Variants in PDE4D observed in about 807,000 individuals in gnomAD.
The protein encoded by PDE4D is 3',5'-cyclic-AMP phosphodiesterase 4D.
In PDE4D, 24 loss-of-function variants were observed where a neutral mutation model predicts 87.4. That is an observed-to-expected ratio of 0.27 (90% CI 0.20 to 0.39). The LOEUF (loss-of-function observed/expected upper bound fraction) is 0.39. Ranked by LOEUF, PDE4D falls within the 10% of genes least tolerant of loss-of-function variation. PDE4D has a pLI of 1.00. For missense variants in PDE4D, 714 were observed against 1,041.0 expected (o/e 0.69, Z 4.32); for synonymous variants, 384 against 383.2 (o/e 1.00, Z -0.02).
At chr5:60,458,657 G>A (rs1746676927) in intron 1 of PDE4D, among the ~76,000 whole-genome samples, 1 of 152,026 alleles carries the variant, frequency 6.6e-6, no homozygotes, top group African/African-American at 2.4e-5. Flanking sequence ...AGTCACTAGG[G>A]ATAAATTAAA....
intron 1 of PDE4D, among the ~76,000 whole-genome samples, chr5:59,802,268 G>A (rs1414999237): frequency 6.6e-6 from 1 of 151,242 alleles, no homozygotes; most frequent in African/African-American, 2.4e-5. Flanking sequence ...TCTAGGTGAT[G>A]CCAACACGCA....
intron 1 of PDE4D, among the ~76,000 whole-genome samples, chr5:59,544,449 C>T (rs879434129): frequency 1.6e-4 from 24 of 152,130 alleles, no homozygotes; most frequent in African/African-American, 2.7e-4. Flanking sequence ...GGACAACGTG[C>T]CCAGAATTTA....
intron 1 of PDE4D, among the ~76,000 whole-genome samples, chr5:60,249,731 T>A (rs1344446929): frequency 2.0e-5 from 3 of 151,984 alleles, no homozygotes; most frequent in Non-Finnish European, 4.4e-5. Flanking sequence ...TGAAAAAAAA[T>A]TCATTTGCAA....
chr5:59,610,686 T>G (rs1398019880), intron 1 of PDE4D, among the ~76,000 whole-genome samples: 1 of 152,136 alleles, frequency 6.6e-6, no homozygotes, highest in Non-Finnish European at 1.5e-5. Context: ...TGCACATTAG[T>G]CCTTTGGATG....
intron 1 of PDE4D, among the ~76,000 whole-genome samples, chr5:59,387,196 A>G (rs529095386): frequency 1.2e-4 from 19 of 152,322 alleles, no homozygotes; most frequent in African/African-American, 4.6e-4. Flanking sequence ...ACTATTTAAT[A>G]AAGTTTGGAA....
intron 2 of PDE4D, among the ~76,000 whole-genome samples, chr5:60,029,651 G>C (rs1469676087): frequency 6.6e-6 from 1 of 152,134 alleles, no homozygotes; most frequent in Non-Finnish European, 1.5e-5. Context: ...AATTAACTAA[G>C]ACTTGTCTCA....
At chr5:59,859,292 T>C (rs1581457946) in intron 1 of PDE4D, among the ~76,000 whole-genome samples, 1 of 152,146 alleles carries the variant, frequency 6.6e-6, no homozygotes, top group African/African-American at 2.4e-5. Flanking sequence ...CTTTTCTGCT[T>C]CCTAAAGGAC....
At chr5:59,591,688 G>T (rs2153703452) in intron 1 of PDE4D, among the ~76,000 whole-genome samples, 2 of 152,208 alleles carry the variant, frequency 1.3e-5, no homozygotes, top group Admixed American at 1.3e-4. Context: ...TCTTTCAAGA[G>T]GCTGGATTAC....
intron 2 of PDE4D, among the ~76,000 whole-genome samples, chr5:60,140,094 G>C (rs1241230028): frequency 6.6e-6 from 1 of 151,556 alleles, no homozygotes; most frequent in African/African-American, 2.4e-5. Context: ...TTATTGTTTT[G>C]GTCCTGTAAT....
intron 1 of PDE4D, among the ~76,000 whole-genome samples, chr5:59,355,342 G>C (rs1781205136): frequency 1.3e-5 from 2 of 152,126 alleles, no homozygotes; most frequent in South Asian, 4.1e-4. Context: ...AAATTCATTA[G>C]TCAATCAAGC....
intron 2 of PDE4D, among the ~76,000 whole-genome samples, chr5:59,996,798 A>C (rs1252008422): frequency 1.3e-5 from 2 of 152,212 alleles, no homozygotes; most frequent in African/African-American, 4.8e-5. Flanking sequence ...TATATAGAAA[A>C]GATACTCTTG....
At chr5:60,497,303 G>T (rs1327255047) in intron 1 of PDE4D, among the ~76,000 whole-genome samples, 1 of 144,618 alleles carries the variant, frequency 6.9e-6, no homozygotes, top group African/African-American at 2.7e-5. Flanking sequence ...TGATAGCATT[G>T]TTATCTTTAT....
chr5:59,900,783 CTT>C (rs1752176154), intron 3 of PDE4D, among the ~76,000 whole-genome samples: 1 of 152,124 alleles, frequency 6.6e-6, no homozygotes, highest in Non-Finnish European at 1.5e-5. Flanking sequence ...AAATGTCACT[CTT>C]GATCTCAAAA....
At chr5:59,508,502 T>C (rs1455596715) in intron 1 of PDE4D, among the ~76,000 whole-genome samples, 2 of 151,626 alleles carry the variant, frequency 1.3e-5, no homozygotes, top group African/African-American at 2.4e-5. Flanking sequence ...ACAGATAATT[T>C]CCAGAGATAA....
intron 3 of PDE4D, among the ~76,000 whole-genome samples, chr5:59,984,814 T>G (rs1762256134): frequency 6.6e-6 from 1 of 152,112 alleles, no homozygotes; most frequent in South Asian, 2.1e-4. Flanking sequence ...AAAGAAAGTA[T>G]CTGGCATACT....
chr5:60,437,635 T>G (rs1468120419), intron 1 of PDE4D, among the ~76,000 whole-genome samples: 1 of 152,088 alleles, frequency 6.6e-6, no homozygotes, highest in Non-Finnish European at 1.5e-5. Flanking sequence ...TTTGTCTTAT[T>G]TTACTTTATG....
chr5:59,732,624 G>A (rs1003971456), intron 1 of PDE4D, among the ~76,000 whole-genome samples: 7 of 152,092 alleles, frequency 4.6e-5, no homozygotes, highest in South Asian at 4.2e-4. Flanking sequence ...TCCCCTGACC[G>A]GCCCTTTTCA....
chr5:60,291,930 TAAGTA>T (rs1752933305), intron 1 of PDE4D, among the ~76,000 whole-genome samples: 1 of 152,138 alleles, frequency 6.6e-6, no homozygotes, highest in African/African-American at 2.4e-5. Flanking sequence ...AAAGAATGGT[TAAGTA>T]AATTAGGATA....
intron 1 of PDE4D, among the ~76,000 whole-genome samples, chr5:59,332,367 T>G (rs1403600693): frequency 6.6e-6 from 1 of 152,174 alleles, no homozygotes; most frequent in African/African-American, 2.4e-5. Flanking sequence ...TTTATCCACA[T>G]TATGAGATGG....
Sources: gnomAD v4.1 joint callset for allele counts (sites outside exome capture counted in the v4.1 genomes callset) on GRCh38, gnomAD v4.1.1 for gene constraint, MANE v1.5 for transcripts, NCBI Gene and HGNC (gene_info 2026-07-23, HGNC 2026-07-21) for gene names.